Variants in ACIN1 observed in about 807,000 individuals in gnomAD.
ACIN1 encodes the protein apoptotic chromatin condensation inducer in the nucleus.
A neutral mutation model predicts 146.6 loss-of-function variants in ACIN1; 16 were observed. The observed-to-expected ratio is 0.11, with a 90% CI of 0.07 to 0.17. The LOEUF (loss-of-function observed/expected upper bound fraction) is 0.17, where lower values mean the gene tolerates loss of function less well. ACIN1 is among the 10% of genes least tolerant of loss of function. The probability of loss-of-function intolerance (pLI) is 1.00; values close to 1 mark genes in which losing one functional copy is unlikely to be tolerated. For missense variants in ACIN1, 1,357 were observed against 1,609.3 expected, an observed-to-expected ratio of 0.84 and a Z score of 2.68; for synonymous variants, 569 against 582.7, an observed-to-expected ratio of 0.98 and a Z score of 0.34.
In ACIN1 at chr14:23,059,072, G is replaced by T; in HGVS notation, c.*76C>A. The T allele has an allele frequency of 7.1e-7, 1 of 1,413,486 alleles. No individual in the cohort carries two copies. The highest frequency in any genetic ancestry group is 9.8e-7 in the Non-Finnish European group (1 of 1,018,154). 87.6% of individuals were successfully genotyped at this position (1,413,486 alleles called of 1,614,324 possible). On this transcript the variant is annotated 3_prime_UTR_variant, in exon 19 of 19. Transcript: ENST00000605057. ...AGACCCTTGGCTCCAGGGTGGTGGA[G>T]ACTGTGCCTATCCCTCTGTGGCCAT...
chr14:23,089,860 T>C, intron 4 of ACIN1, 122 bp downstream of exon 4: 1 of 1,293,502 alleles, frequency 7.7e-7, no homozygotes, highest in Non-Finnish European at 1.0e-6. Context: ...ATGTCAAATA[T>C]CAATGTCACA....
At chr14:23,069,040 C>T (rs1286897929) in intron 9 of ACIN1, 1 of 987,118 alleles carries the variant, frequency 1.0e-6, no homozygotes, top group Non-Finnish European at 1.2e-6. Context: ...AGAGGAGGAA[C>T]AAAAATTTCT....
At chr14:23,090,456 C>A in intron 3 of ACIN1, 66 bp downstream of exon 3, 3 of 1,378,036 alleles carry the variant, frequency 2.2e-6, no homozygotes, top group Middle Eastern at 1.8e-4. Flanking sequence ...GTTAGACAGG[C>A]CTATCTACTT....
At chr14:23,071,324 A>G in intron 8 of ACIN1, 1 of 1,511,018 alleles carries the variant, frequency 6.6e-7, no homozygotes, top group Non-Finnish European at 8.9e-7. Flanking sequence ...ATTGAGATGT[A>G]GCAACCGGGG....
chr14:23,078,705 C>A (rs1477469324), intron 7 of ACIN1, 115 bp downstream of exon 7: 13 of 1,126,170 alleles, frequency 1.2e-5, no homozygotes, highest in Non-Finnish European at 1.6e-5. Flanking sequence ...CAGGTATCCA[C>A]CACATTTCTA....
upstream of ACIN1, chr14:23,095,531 G>C (rs1400811230): frequency 1.9e-6 from 1 of 516,416 alleles, no homozygotes; most frequent in Admixed American, 3.8e-5. Flanking sequence ...GCCCAGCTTA[G>C]GGTTTTCAGG....
intron 1 of ACIN1, chr14:23,094,410 A>C: frequency 1.1e-6 from 1 of 939,140 alleles, no homozygotes; most frequent in Non-Finnish European, 1.3e-6. Flanking sequence ...ACTCTTAACC[A>C]CCCAAATTGC....
At position 23,078,988 on chromosome 14, in the gene ACIN1, G is replaced by T; in HGVS notation, c.1839C>A (p.Thr613=). The stretch of plus-strand genomic sequence containing the variant: ...CCTCCTGACCAGAAGAGGGATCTTT[G>T]GTTTCAGTATAGCTGGTGCTGCTGT... ...SRDSSTSYTE[T]KDPSSGQEVA... The change falls in exon 7 of 19, where the codon ACC becomes ACA. Residue 613 remains threonine (T), a synonymous_variant. Coordinates refer to ENST00000605057, the MANE Select transcript of ACIN1 (RefSeq NM_001386863.1). 3.1e-6 allele frequency: 5 copies of T among 1,614,190 alleles called. No individual in the cohort carries two copies. The highest frequency in any genetic ancestry group is 4.2e-6 in the Non-Finnish European group (5 of 1,180,040).
chr14:23,071,651 A>C (rs1271631270), intron 8 of ACIN1: 3 of 1,307,820 alleles, frequency 2.3e-6, no homozygotes, highest in Non-Finnish European at 3.1e-6. Context: ...TGAGTGAGCA[A>C]GGTTCTTATC....
Position 23,063,102 on chromosome 14 carries a change from T to C in ACIN1, c.2738-28A>G, listed in dbSNP as rs2047339110. On this transcript the variant is annotated intron_variant, in intron 13 of 18. Coordinates refer to ENST00000605057, the MANE Select transcript of ACIN1 (RefSeq NM_001386863.1). ...ATCAAGAAGACCACAAGAACAGCTT[T>C]TGGTAGGAAGCAATACTGGCTCTTT... 3 of 1,581,312 alleles carry C rather than the reference T, an allele frequency of 1.9e-6. No homozygotes were observed. In the East Asian group the frequency reaches 6.7e-5, roughly 35 times the overall value.
chr14:23,093,852 C>T (rs557491659), intron 1 of ACIN1, among the ~76,000 whole-genome samples: 1 of 152,332 alleles, frequency 6.6e-6, no homozygotes, highest in African/African-American at 2.4e-5. Flanking sequence ...TTATCTTCTG[C>T]ACTTTCGCCA....
At chr14:23,059,956 GT>G (rs397830741) in intron 18 of ACIN1, among the ~76,000 whole-genome samples, 69 of 100,128 alleles carry the variant, frequency 6.9e-4, no homozygotes, top group East Asian at 1.5e-3. Context: ...CGCCCCGCCA[GT>G]TTTTTTTTTT....
Position 23,078,811 on chromosome 14 carries a change from A to G in ACIN1, c.2007+9T>C, listed in dbSNP as rs775069502. 9.9e-6 allele frequency: 16 copies of G among 1,611,556 alleles called. No homozygotes were observed. The highest frequency in any genetic ancestry group is 1.4e-5 in the Non-Finnish European group (16 of 1,179,520). ...CATCTCTGTGTAGGGAGGGGTCACA[A>G]TAGCCTACCCGCTCAGGCTGTAACC... On this transcript the variant is annotated intron_variant, in intron 7 of 18. Coordinates refer to ENST00000605057, the MANE Select transcript of ACIN1 (RefSeq NM_001386863.1).
chr14:23,070,362 T>C (rs570875832), intron 8 of ACIN1, among the ~76,000 whole-genome samples: 93 of 152,210 alleles, frequency 6.1e-4, no homozygotes, highest in African/African-American at 2.2e-3. Flanking sequence ...CTCAGAGGTG[T>C]AGAAACTGTT....
chr14:23,069,389 C>A (rs1199912054), intron 9 of ACIN1, 87 bp downstream of exon 9: 2 of 1,493,450 alleles, frequency 1.3e-6, no homozygotes, highest in East Asian at 4.8e-5. Context: ...GTTAACCCAC[C>A]GTGTAAGAGG....
chr14:23,070,997 G>A, intron 8 of ACIN1: 2 of 1,078,808 alleles, frequency 1.9e-6, no homozygotes, highest in Non-Finnish European at 2.7e-6. Context: ...GCAGGACAAA[G>A]GGGGAAGGCA....
chr14:23,093,774 C>A (rs981803726), intron 1 of ACIN1, among the ~76,000 whole-genome samples: 1 of 152,174 alleles, frequency 6.6e-6, no homozygotes, highest in African/African-American at 2.4e-5. Flanking sequence ...ATATAAAATG[C>A]AGGCACACAG....
intron 8 of ACIN1, among the ~76,000 whole-genome samples, chr14:23,076,873 T>C (rs575694032): frequency 1.1e-4 from 17 of 152,312 alleles, no homozygotes; most frequent in African/African-American, 4.1e-4. Context: ...GAATCCTGAA[T>C]ACCTTCCAGA....
intron 4 of ACIN1, among the ~76,000 whole-genome samples, chr14:23,088,700 A>G (rs1319982581): frequency 6.6e-6 from 1 of 152,246 alleles, no homozygotes; most frequent in Admixed American, 6.5e-5. Flanking sequence ...TTGGTTTAAC[A>G]TATGTACTAA....
Sources: allele counts gnomAD v4.1 joint callset (sites outside exome capture counted in the v4.1 genomes callset), GRCh38; gene constraint gnomAD v4.1.1; transcripts MANE v1.5; gene names NCBI Gene and HGNC (gene_info 2026-07-23, HGNC 2026-07-21).